The following ATG4A variants were observed in gnomAD, a reference collection of about 807,000 sequenced individuals.
ATG4A encodes the protein autophagy related 4A cysteine peptidase, also known as cysteine protease ATG4A.
A neutral mutation model predicts 38.4 loss-of-function variants in ATG4A; 22 were observed. That is an observed-to-expected ratio of 0.57 (90% CI 0.41 to 0.82). ATG4A has a LOEUF of 0.82. Ranked by LOEUF, ATG4A falls within the 40% of genes least tolerant of loss-of-function variation. The probability of loss-of-function intolerance (pLI) is 0.00; values close to 1 mark genes in which losing one functional copy is unlikely to be tolerated. For synonymous variants in ATG4A, 86 were observed against 100.7 expected (o/e 0.85, Z 0.88); for missense variants, 220 against 290.0 (o/e 0.76, Z 1.75).
At chrX:108,144,902 G>T (rs750689410) in intron 9 of ATG4A, among the ~76,000 whole-genome samples, 1 of 112,132 alleles carries the variant, frequency 8.9e-6, no homozygotes, top group Non-Finnish European at 1.9e-5. Flanking sequence ...TGCACTGCTC[G>T]AAGTTATGCC....
At chrX:108,140,373 G>A (rs2033204860) in intron 9 of ATG4A, among the ~76,000 whole-genome samples, 1 of 110,634 alleles carries the variant, frequency 9.0e-6, no homozygotes, top group Non-Finnish European at 1.9e-5. Context: ...CTTCACTTGA[G>A]GGCTTTAAGT....
intron 11 of ATG4A, 142 bp downstream of exon 11, chrX:108,152,000 T>G (rs1409021757): frequency 3.4e-6 from 2 of 580,816 alleles, no homozygotes; most frequent in African/African-American, 4.5e-5. Flanking sequence ...ACAAAGAAAC[T>G]ATCAGGTGTG....
At position 108,153,078 on chromosome X, in the gene ATG4A, A is replaced by G; in HGVS notation, c.1117A>G (p.Thr373Ala). ...VPPAKPEVTT[T>A]GAEFIDSTEQ... ...TCCAGCCAAGCCAGAAGTGACAACC[A>G]CTGGGGCAGGTAAGCTGTTGTTCAA... is the stretch of plus-strand genomic sequence containing the variant. Residue 373 changes from threonine to alanine, a missense_variant, in exon 12 of 13, where the codon ACT becomes GCT. By Grantham distance (58) the Thr-to-Ala change is moderately conservative (BLOSUM62 0). Transcript: ENST00000372232. 2 of 1,202,428 alleles carry G rather than the reference A, an allele frequency of 1.7e-6. No individual in the cohort carries two copies. The highest frequency in any genetic ancestry group is 2.3e-6 in the Non-Finnish European group (2 of 887,045).
Position 108,110,372 on chromosome X carries a change from GA to G in ATG4A, c.11-15692del, listed in dbSNP as rs371292583. On this transcript the variant is annotated intron_variant, in intron 1 of 12. Coordinates refer to ENST00000372232, the MANE Select transcript of ATG4A (RefSeq NM_052936.5). ...GTAACACAATGAGAACCTGTCTCAA[GA>G]AAAAAAAAAAAATGTATAGTGATCA... Among the ~76,000 whole-genome samples, 557 of 91,669 alleles carry G rather than the reference GA, an allele frequency of 6.1e-3. 4 individuals are homozygous for G. Among genetic ancestry groups the G allele is most frequent in the African/African-American group, 0.018 (453 of 25,165 alleles). The allele number at this position is 91,669 out of a possible 115,157, so 79.6% of individuals were successfully genotyped here. A position where few individuals can be genotyped will look rare whatever the true frequency, so the allele number is the denominator to read the frequency against.
intron 3 of ATG4A, among the ~76,000 whole-genome samples, chrX:108,130,933 A>G (rs1018616177): frequency 3.9e-4 from 44 of 111,752 alleles, no homozygotes; most frequent in African/African-American, 1.4e-3. Context: ...ATGACATGGA[A>G]TGGACTAAGG....
At chrX:108,145,285 A>G (rs1373646118) in intron 9 of ATG4A, among the ~76,000 whole-genome samples, 1 of 112,518 alleles carries the variant, frequency 8.9e-6, no homozygotes, top group African/African-American at 3.2e-5. Flanking sequence ...CTCTCCAAAT[A>G]AGATTATGAC....
chrX:108,111,757 G>C (rs867095507), intron 1 of ATG4A, among the ~76,000 whole-genome samples: 70 of 111,367 alleles, frequency 6.3e-4, no homozygotes, highest in African/African-American at 2.0e-3. Flanking sequence ...CTGGGAAAAG[G>C]GCTTCTAAAA....
chrX:108,139,289 C>A (rs2033178424), intron 9 of ATG4A, among the ~76,000 whole-genome samples: 1 of 112,051 alleles, frequency 8.9e-6, no homozygotes, highest in Non-Finnish European at 1.9e-5. Flanking sequence ...TATCAATATT[C>A]AGTCTCAGGT....
chrX:108,140,360 A>G (rs1188687005), intron 9 of ATG4A, among the ~76,000 whole-genome samples: 1 of 110,802 alleles, frequency 9.0e-6, no homozygotes, highest in Non-Finnish European at 1.9e-5. Context: ...TCCTTTGTGC[A>G]AACTTCACTT....
chrX:108,091,990 T>G, intron 1 of ATG4A, 154 bp downstream of exon 1: 1 of 924,751 alleles, frequency 1.1e-6, no homozygotes, highest in African/African-American at 1.9e-5. Flanking sequence ...TGACCTGCAG[T>G]GGCAGGCGGA....
In ATG4A at chrX:108,093,899, T is replaced by A. The variant is rs752575072; in HGVS notation, c.10+2063T>A. Among the ~76,000 whole-genome samples the A allele has an allele frequency of 4.5e-3, 502 of 112,117 alleles. 1 individual carries two copies. Among genetic ancestry groups the A allele is most frequent in the Non-Finnish European group, 6.9e-3 (366 of 53,179 alleles). ...AGTGTCTGTTATATCTTTTGTCTGT[T>A]TTTAAATTGAGTTATTTGTTTTTTT... On this transcript the variant is annotated intron_variant, in intron 1 of 12. Coordinates refer to ENST00000372232, the MANE Select transcript of ATG4A (RefSeq NM_052936.5).
chrX:108,153,069 G>A lies in ATG4A; in HGVS notation c.1108G>A (p.Val370Met). 1 of 1,208,777 alleles carries A rather than the reference G, an allele frequency of 8.3e-7. No homozygotes were observed. Among genetic ancestry groups the A allele is most frequent in the South Asian group, 1.8e-5 (1 of 56,816 alleles). The change falls in exon 12 of 13, where the codon GTG becomes ATG. Residue 370 changes from valine (V) to methionine (M), a missense_variant. Physicochemically the swap from Val to Met is conservative, Grantham distance 21 (BLOSUM62 1). This residue lies in a region of ATG4A where 159 missense variants were observed against 188.9 expected (regional missense o/e 0.84). Coordinates refer to ENST00000372232, the MANE Select transcript of ATG4A (RefSeq NM_052936.5). Reference protein sequence around the residue: ...PPFVPPAKPEVTTTGAEFIDS... With the variant: ...PPFVPPAKPEMTTTGAEFIDS... ...CTTTGTACCTCCAGCCAAGCCAGAA[G>A]TGACAACCACTGGGGCAGGTAAGCT...
intron 1 of ATG4A, among the ~76,000 whole-genome samples, chrX:108,099,530 A>G (rs2031938320): frequency 9.0e-6 from 1 of 111,265 alleles, no homozygotes; most frequent in South Asian, 3.7e-4. Context: ...TTTCCCTATT[A>G]TAGATTGTGC....
intron 7 of ATG4A, 68 bp downstream of exon 7, chrX:108,137,238 C>T (rs2033130269): frequency 9.3e-6 from 9 of 970,985 alleles, no homozygotes; most frequent in Middle Eastern, 2.7e-4. Flanking sequence ...ATTCAGTATT[C>T]TGGGGCTCAA....
At chrX:108,101,869 T>C (rs2147961728) in intron 1 of ATG4A, among the ~76,000 whole-genome samples, 1 of 110,035 alleles carries the variant, frequency 9.1e-6, no homozygotes, top group Non-Finnish European at 1.9e-5. Context: ...TTTAACATAA[T>C]GTCTTCAAGG....
intron 1 of ATG4A, among the ~76,000 whole-genome samples, chrX:108,111,319 G>T (rs2032349011): frequency 8.9e-6 from 1 of 112,347 alleles, no homozygotes; most frequent in Admixed American, 9.4e-5. Flanking sequence ...ACTTTTCATT[G>T]GTCCTACAAA....
At chrX:108,145,967 G>A (rs1321380447) in intron 9 of ATG4A, among the ~76,000 whole-genome samples, 1 of 111,807 alleles carries the variant, frequency 8.9e-6, no homozygotes, top group Non-Finnish European at 1.9e-5. Context: ...ATGATATTTT[G>A]GGTTCCCTGG....
In ATG4A at chrX:108,128,693, T is replaced by A. The variant is rs754026347; in HGVS notation, c.122-88T>A. ...CCATAATAATGGAATTGACTGGTTA[T>A]TTGAAATTAAGTTAGTAGCTGGCTC... On this transcript the variant is annotated intron_variant, in intron 2 of 12. Coordinates refer to ENST00000372232, the MANE Select transcript of ATG4A (RefSeq NM_052936.5). The A allele has an allele frequency of 2.1e-4, 124 of 581,009 alleles. 4 individuals carry two copies. The South Asian group carries it at 3.7e-3, about 17-fold the overall frequency. 47.9% of individuals were successfully genotyped at this position (581,009 alleles called of 1,213,427 possible).
In ATG4A at chrX:108,128,748, G is replaced by T. The variant is rs747008884; in HGVS notation, c.122-33G>T. On this transcript the variant is annotated intron_variant, in intron 2 of 12. Coordinates refer to ENST00000372232, the MANE Select transcript of ATG4A (RefSeq NM_052936.5). ...GTAAAGGTGGGTATTTTTAGATATG[G>T]TGATTTAATTTTAATTTTACATTTA... is the stretch of plus-strand genomic sequence containing the variant. The T allele has an allele frequency of 9.8e-6, 10 of 1,019,174 alleles. No homozygotes were observed. In the Middle Eastern group the frequency reaches 7.8e-4, roughly 79 times the overall value. The allele number at this position is 1,019,174 out of a possible 1,213,427, so 84.0% of individuals were successfully genotyped here.
Sources: gnomAD v4.1 joint callset for allele counts (sites outside exome capture counted in the v4.1 genomes callset) on GRCh38, gnomAD v4.1.1 for gene constraint, gnomAD v4.1.1 regional missense constraint, MANE v1.5 for transcripts, NCBI Gene and HGNC (gene_info 2026-07-23, HGNC 2026-07-21) for gene names.